The following RUNX2 variants were observed in gnomAD, a reference collection of about 807,000 sequenced individuals.
RUNX2 encodes the protein runt-related transcription factor 2.
RUNX2 carries 10 observed loss-of-function variants against 51.7 expected under a neutral mutation model. The ratio of observed to expected loss-of-function variants is 0.19; its 90% CI spans 0.12 to 0.33. The LOEUF (loss-of-function observed/expected upper bound fraction) is 0.33, where lower values mean the gene tolerates loss of function less well. Among genes scored for constraint, RUNX2 ranks in the 10% least tolerant of loss-of-function variants. RUNX2 has a pLI of 1.00. For synonymous variants in RUNX2, 276 were observed against 273.6 expected, an observed-to-expected ratio of 1.01 and a Z score of -0.09; for missense variants, 562 against 691.3, an observed-to-expected ratio of 0.81 and a Z score of 2.10.
chr6:45,336,610 A>G (rs774701613), intron 2 of RUNX2, among the ~76,000 whole-genome samples: 15 of 151,470 alleles, frequency 9.9e-5, no homozygotes, highest in Non-Finnish European at 1.9e-4. Flanking sequence ...ACCACTCTAT[A>G]TATGTACAAT....
At chr6:45,441,577 G>C (rs1023156035) in intron 5 of RUNX2, among the ~76,000 whole-genome samples, 123 of 152,166 alleles carry the variant, frequency 8.1e-4, no homozygotes, top group African/African-American at 2.8e-3. Context: ...ATTTTCTTTA[G>C]TGTCAGACGT....
chr6:45,343,041 C>A (rs1790135422), intron 2 of RUNX2, among the ~76,000 whole-genome samples: 1 of 152,168 alleles, frequency 6.6e-6, no homozygotes. Context: ...TTACCACCTA[C>A]CTTGAAAGTT....
chr6:45,436,261 T>C (rs911303757), intron 4 of RUNX2, among the ~76,000 whole-genome samples: 1 of 151,994 alleles, frequency 6.6e-6, no homozygotes, highest in African/African-American at 2.4e-5. Context: ...TGGCAAGTGA[T>C]CAAGCCACTT....
chr6:45,545,926 G>A (rs77719757), intron 8 of RUNX2, among the ~76,000 whole-genome samples: 60 of 152,274 alleles, frequency 3.9e-4, no homozygotes, highest in African/African-American at 1.3e-3. Context: ...TCATGTTTTA[G>A]GGGAAAACCA....
chr6:45,413,870 C>T (rs775920787), intron 2 of RUNX2, among the ~76,000 whole-genome samples: 1 of 152,128 alleles, frequency 6.6e-6, no homozygotes, highest in Non-Finnish European at 1.5e-5. Flanking sequence ...TACCCACAGA[C>T]CTAGGGCTGG....
At chr6:45,426,264 C>T (rs1033938514) in intron 3 of RUNX2, among the ~76,000 whole-genome samples, 2 of 152,054 alleles carry the variant, frequency 1.3e-5, no homozygotes, top group Non-Finnish European at 2.9e-5. Flanking sequence ...GTCAAGGAAA[C>T]GGAAATAAAT....
At chr6:45,524,308 C>T (rs1434963021) in intron 7 of RUNX2, among the ~76,000 whole-genome samples, 1 of 152,090 alleles carries the variant, frequency 6.6e-6, no homozygotes, top group Non-Finnish European at 1.5e-5. Context: ...CAACATTGTT[C>T]CTAAATATCT....
chr6:45,505,376 T>TG (rs1423905394), intron 6 of RUNX2, among the ~76,000 whole-genome samples: 1 of 151,512 alleles, frequency 6.6e-6, no homozygotes, highest in African/African-American at 2.4e-5. Context: ...TTTTTTTTTT[T>TG]CTTTTCTGCC....
At chr6:45,530,984 TA>T (rs1801823471) in intron 7 of RUNX2, among the ~76,000 whole-genome samples, 1 of 152,220 alleles carries the variant, frequency 6.6e-6, no homozygotes, top group African/African-American at 2.4e-5. Context: ...TCATAGACAT[TA>T]TTTCATTTAA....
chr6:45,422,624 C>T lies in RUNX2; in HGVS notation c.90C>T (p.Pro30=). The T allele has an allele frequency of 6.2e-7, 1 of 1,607,090 alleles. No individual in the cohort carries two copies. The highest frequency in any genetic ancestry group is 8.5e-7 in the Non-Finnish European group (1 of 1,177,586). Residue 30 remains proline, a synonymous_variant, in exon 3 of 9, where the codon CCC becomes CCT. Transcript: ENST00000647337. The stretch of plus-strand genomic sequence containing the variant: ...GCACCAGCCGGCGCTTCAGCCCCCC[C>T]TCCAGCAGCCTGCAGCCCGGCAAAA... ...DPSTSRRFSP[P]SSSLQPGKMS...
intron 5 of RUNX2, among the ~76,000 whole-genome samples, chr6:45,453,074 CCTT>C (rs1346001337): frequency 1.3e-5 from 2 of 152,150 alleles, no homozygotes; most frequent in South Asian, 2.1e-4. Flanking sequence ...CTTCTGATGT[CCTT>C]CTTATGATTT....
chr6:45,530,916 T>C (rs1801821389), intron 7 of RUNX2, among the ~76,000 whole-genome samples: 1 of 152,344 alleles, frequency 6.6e-6, no homozygotes, highest in Non-Finnish European at 1.5e-5. Flanking sequence ...AATAAATGCA[T>C]AGCAAGACTT....
intron 5 of RUNX2, among the ~76,000 whole-genome samples, chr6:45,471,348 T>A (rs1799793697): frequency 6.6e-6 from 1 of 152,068 alleles, no homozygotes; most frequent in Non-Finnish European, 1.5e-5. Flanking sequence ...ATCCTCTTTC[T>A]AAGTTCCTGA....
At chr6:45,403,590 G>A (rs778417550) in intron 2 of RUNX2, among the ~76,000 whole-genome samples, 49 of 152,108 alleles carry the variant, frequency 3.2e-4, no homozygotes, top group Non-Finnish European at 6.5e-4. Context: ...TGCTGTAGAT[G>A]TAGTCTATTC....
chr6:45,534,393 C>T (rs1425616845), intron 7 of RUNX2, among the ~76,000 whole-genome samples: 1 of 152,128 alleles, frequency 6.6e-6, no homozygotes, highest in Non-Finnish European at 1.5e-5. Flanking sequence ...ACCTCTCAGG[C>T]TCTTTGTGAA....
intron 2 of RUNX2, among the ~76,000 whole-genome samples, chr6:45,397,107 C>A (rs1797598178): frequency 1.4e-5 from 2 of 143,700 alleles, no homozygotes; most frequent in Admixed American, 1.4e-4. Flanking sequence ...ATATTTAAAA[C>A]TTTTTTTTTT....
At chr6:45,440,670 TG>T (rs1433449180) in intron 5 of RUNX2, among the ~76,000 whole-genome samples, 37 of 152,268 alleles carry the variant, frequency 2.4e-4, no homozygotes, top group Non-Finnish European at 4.1e-4. Flanking sequence ...TTTTAATTTT[TG>T]GAATATTTGC....
rs115315344 is a variant in RUNX2 at position 45,376,746 on chromosome 6, C to G, written c.59-45847C>G. ...CTTTGAAACATTCACCAGAAATTCC[C>G]CAAGTTTTGTCCTTCAAGTAAATCT... On this transcript the variant is annotated intron_variant, in intron 2 of 8. Coordinates refer to ENST00000647337, the MANE Select transcript of RUNX2 (RefSeq NM_001024630.4). Among the ~76,000 whole-genome samples the G allele has an allele frequency of 5.3e-3, 801 of 152,310 alleles. 5 individuals carry two copies. Among genetic ancestry groups the G allele is most frequent in the African/African-American group, 0.018 (747 of 41,562 alleles).
At position 45,518,420 on chromosome 6, in the gene RUNX2, G is replaced by A. The variant is rs1229051315; in HGVS notation, c.1021+6013G>A. Among the ~76,000 whole-genome samples, 3 of 152,058 alleles carry A rather than the reference G, an allele frequency of 2.0e-5. No homozygotes were observed. The East Asian group carries it at 5.8e-4, about 29-fold the overall frequency. On this transcript the variant is annotated intron_variant, in intron 7 of 8. Coordinates refer to ENST00000647337, the MANE Select transcript of RUNX2 (RefSeq NM_001024630.4). ...TAGCCTATCTTTTGACATAGCAGAT[G>A]GTGTTCTAATCTTACCTGGACCTCC...
Sources: allele counts gnomAD v4.1 joint callset (sites outside exome capture counted in the v4.1 genomes callset), GRCh38; gene constraint gnomAD v4.1.1; transcripts MANE v1.5; gene names NCBI Gene and HGNC (gene_info 2026-07-23, HGNC 2026-07-21).